ZNF521: variants seen among roughly 807,000 people sequenced by gnomAD.
ZNF521 encodes the protein LYST-interacting protein 3.
In ZNF521, 14 loss-of-function variants were observed where a neutral mutation model predicts 105.5. The ratio of observed to expected loss-of-function variants is 0.13; its 90% confidence interval spans 0.09 to 0.21. The LOEUF (loss-of-function observed/expected upper bound fraction) is 0.21, where lower values mean the gene tolerates loss of function less well. ZNF521 is among the 10% of genes least tolerant of loss of function. ZNF521 has a pLI of 1.00. For missense variants in ZNF521, 1,233 were observed against 1,629.7 expected, an observed-to-expected ratio of 0.76 and a Z score of 4.19; for synonymous variants, 635 against 606.0, an observed-to-expected ratio of 1.05 and a Z score of -0.70.
chr18:25,121,012 T>C lies in ZNF521; in HGVS notation c.3659-28931A>G, dbSNP rs9963356. ...TTTCTCAGTAGTAAATTTCATAGTTTGGTCAAGAAGTTTTTGGAGAAAAAT... is the reference window on the plus strand; with the variant it reads ...TTTCTCAGTAGTAAATTTCATAGTTCGGTCAAGAAGTTTTTGGAGAAAAAT... On this transcript the variant is annotated intron_variant, in intron 5 of 7. Transcript: ENST00000361524. Among the ~76,000 whole-genome samples, 179 of 152,236 alleles carry C rather than the reference T, an allele frequency of 1.2e-3. 1 individual carries two copies. Among genetic ancestry groups the C allele is most frequent in the African/African-American group, 4.1e-3 (169 of 41,548 alleles).
At position 25,315,324 on chromosome 18, in the gene ZNF521, T is replaced by C. The variant is rs45567131; in HGVS notation, c.220+6684A>G. Among the ~76,000 whole-genome samples, 1,017 of 152,244 alleles carry C rather than the reference T, an allele frequency of 6.7e-3. 6 individuals carry two copies. Among genetic ancestry groups the C allele is most frequent in the Non-Finnish European group, 0.011 (770 of 68,018 alleles). ...TTCCCCCTATTCCTTCAAGCAGGGA[T>C]GATACATAACTTACTTATACATGTT... On this transcript the variant is annotated intron_variant, in intron 3 of 7. Transcript: ENST00000361524.
At chr18:25,320,130 A>G (rs944582570) in intron 3 of ZNF521, among the ~76,000 whole-genome samples, 3 of 152,178 alleles carry the variant, frequency 2.0e-5, no homozygotes, top group African/African-American at 7.2e-5. Context: ...AAATTTAAAT[A>G]TGGATTGTGA....
rs939062964 is a variant in ZNF521 at position 25,351,022 on chromosome 18, C to T, written c.-1-75G>A. The T allele has an allele frequency of 7.3e-5, 90 of 1,235,612 alleles. No homozygotes were observed. The African/African-American group carries it at 1.4e-3, about 19-fold the overall frequency. 76.5% of individuals were successfully genotyped at this position (1,235,612 alleles called of 1,614,324 possible). On this transcript the variant is annotated intron_variant, in intron 1 of 7. Coordinates refer to ENST00000361524, the MANE Select transcript of ZNF521 (RefSeq NM_015461.3). ...TACTTCCTCGTGGCCGCGCGCCCCTCGGGCCGCGGCGCCTCGCGCCCTCCG... is the reference window on the plus strand; with the variant it reads ...TACTTCCTCGTGGCCGCGCGCCCCTTGGGCCGCGGCGCCTCGCGCCCTCCG...
chr18:25,344,558 CT>C (rs1191080009), intron 2 of ZNF521, among the ~76,000 whole-genome samples: 2 of 152,256 alleles, frequency 1.3e-5, no homozygotes, highest in African/African-American at 4.8e-5. Flanking sequence ...TCCCCCACCC[CT>C]AGAACTAACT....
intron 3 of ZNF521, among the ~76,000 whole-genome samples, chr18:25,291,401 G>A (rs574226437): frequency 2.6e-5 from 4 of 152,308 alleles, no homozygotes; most frequent in South Asian, 2.1e-4. Context: ...ATGTTTGAAT[G>A]TGGCCATCTT....
intron 3 of ZNF521, among the ~76,000 whole-genome samples, chr18:25,279,344 C>G (rs144567232): frequency 0.019 from 2,839 of 152,284 alleles, 38 homozygotes; most frequent in Non-Finnish European, 0.03. Context: ...GGCCCATGAC[C>G]AATACTACAG....
At chr18:25,160,541 C>A (rs2035232214) in intron 5 of ZNF521, among the ~76,000 whole-genome samples, 1 of 152,230 alleles carries the variant, frequency 6.6e-6, no homozygotes, top group Non-Finnish European at 1.5e-5. Flanking sequence ...TATACATACA[C>A]ACACATCACC....
rs137910660 is a variant in ZNF521, at chr18:25,155,014, C to G, written c.3658+40146G>C. ...ACCAACCTACATTCTCACCAACAGA[C>G]AAGGGTTTCCTTTTCTCCATACCCT... On this transcript the variant is annotated intron_variant, in intron 5 of 7. Coordinates refer to ENST00000361524, the MANE Select transcript of ZNF521 (RefSeq NM_015461.3). Among the ~76,000 whole-genome samples the G allele has an allele frequency of 1.9e-3, 292 of 152,244 alleles. 1 individual carries two copies. The highest frequency in any genetic ancestry group is 6.9e-3 in the African/African-American group (285 of 41,560).
At chr18:25,267,297 C>A (rs1909336687) in intron 3 of ZNF521, among the ~76,000 whole-genome samples, 1 of 152,178 alleles carries the variant, frequency 6.6e-6, no homozygotes, top group African/African-American at 2.4e-5. Flanking sequence ...ATAGATAAAA[C>A]CCCCATCTCC....
At chr18:25,152,312 C>G (rs899802963) in intron 5 of ZNF521, among the ~76,000 whole-genome samples, 2 of 151,846 alleles carry the variant, frequency 1.3e-5, no homozygotes, top group African/African-American at 4.8e-5. Context: ...AACCCCGTCT[C>G]TACTAAAAAA....
intron 7 of ZNF521, among the ~76,000 whole-genome samples, chr18:25,063,899 T>G (rs572577223): frequency 6.6e-6 from 1 of 152,340 alleles, no homozygotes; most frequent in Non-Finnish European, 1.5e-5. Context: ...CATCTAACAC[T>G]GATCTCTCCC....
intron 7 of ZNF521, among the ~76,000 whole-genome samples, chr18:25,066,285 T>C (rs995429360): frequency 2.2e-4 from 33 of 152,166 alleles, no homozygotes; most frequent in Admixed American, 1.3e-4. Context: ...ATACTTGTGT[T>C]GGAAACAACC....
chr18:25,110,068 A>G (rs116367650), intron 5 of ZNF521, among the ~76,000 whole-genome samples: 2,272 of 152,288 alleles, frequency 0.015, 52 homozygotes, highest in African/African-American at 0.052. Flanking sequence ...GAAAAGGGAG[A>G]AGAAGCCATA....
At chr18:25,139,935 A>G (rs2034815166) in intron 5 of ZNF521, among the ~76,000 whole-genome samples, 1 of 152,162 alleles carries the variant, frequency 6.6e-6, no homozygotes, top group Non-Finnish European at 1.5e-5. Context: ...TCACCAAGTA[A>G]GGTACACGGA....
At chr18:25,315,847 A>G (rs1457232817) in intron 3 of ZNF521, 3 of 152,270 alleles carry the variant, frequency 2.0e-5, no homozygotes, top group Non-Finnish European at 4.4e-5. Flanking sequence ...ACCCTCAGTT[A>G]AAAGAAGGGA....
chr18:25,295,186 CT>C (rs558502111), intron 3 of ZNF521, among the ~76,000 whole-genome samples: 14 of 152,162 alleles, frequency 9.2e-5, no homozygotes, highest in Non-Finnish European at 1.6e-4. Context: ...GTTATCACAC[CT>C]ATGTATACAA....
chr18:25,259,019 A>C (rs1908718497), intron 3 of ZNF521, among the ~76,000 whole-genome samples: 1 of 152,226 alleles, frequency 6.6e-6, no homozygotes. Context: ...TGAGAGAACC[A>C]AGACCTAATA....
chr18:25,314,697 G>A (rs906841358), intron 3 of ZNF521, among the ~76,000 whole-genome samples: 7 of 152,182 alleles, frequency 4.6e-5, no homozygotes, highest in Non-Finnish European at 8.8e-5. Flanking sequence ...CAATAGTATG[G>A]TAGACCAGAG....
At chr18:25,114,058 G>T (rs2034254934) in intron 5 of ZNF521, among the ~76,000 whole-genome samples, 1 of 152,040 alleles carries the variant, frequency 6.6e-6, no homozygotes, top group African/African-American at 2.4e-5. Context: ...AGACCACAGG[G>T]AAGCCCTAAA....
Sources: allele counts gnomAD v4.1 joint callset (sites outside exome capture counted in the v4.1 genomes callset), GRCh38; gene constraint gnomAD v4.1.1; transcripts MANE v1.5; gene names NCBI Gene and HGNC (gene_info 2026-07-23, HGNC 2026-07-21).